PRPSAP2: variants seen among roughly 807,000 people sequenced by gnomAD.
PRPSAP2 encodes the protein phosphoribosyl pyrophosphate synthase-associated protein 2.
PRPSAP2 carries 24 observed loss-of-function variants against 40.6 expected under a neutral mutation model. The observed-to-expected ratio is 0.59, with a 90% CI of 0.43 to 0.83. PRPSAP2 has a LOEUF of 0.83. Among genes scored for constraint, PRPSAP2 ranks in the 40% least tolerant of loss-of-function variants. PRPSAP2 has a pLI of 0.00. For missense variants in PRPSAP2, 292 were observed against 465.6 expected (o/e 0.63, Z 3.43); for synonymous variants, 149 against 164.7 (o/e 0.90, Z 0.73).
intron 10 of PRPSAP2, among the ~76,000 whole-genome samples, chr17:18,927,812 G>T (rs1016652200): frequency 1.3e-5 from 2 of 151,974 alleles, no homozygotes; most frequent in African/African-American, 4.8e-5. Flanking sequence ...TATGGTCTGG[G>T]TCTGCTGCCC....
intron 10 of PRPSAP2, 176 bp from the exon 11 acceptor site, chr17:18,928,634 TG>T: frequency 1.4e-6 from 1 of 712,222 alleles, no homozygotes; most frequent in Non-Finnish European, 2.4e-6. Context: ...GTGAAAGTAC[TG>T]GAGGGCTGCC....
intron 5 of PRPSAP2, among the ~76,000 whole-genome samples, chr17:18,873,735 CTG>C (rs1489672388): frequency 1.3e-5 from 2 of 152,052 alleles, no homozygotes; most frequent in African/African-American, 2.4e-5. Flanking sequence ...GGATAAAAAA[CTG>C]TACTGAAGGA....
At chr17:18,897,991 CTTTTTTTTTTTTTT>C (rs71155370) in intron 8 of PRPSAP2, among the ~76,000 whole-genome samples, 72,381 of 117,730 alleles carry the variant, frequency 0.61, 19,358 homozygotes, top group Middle Eastern at 0.71. Context: ...AGAATTTTTG[CTTTTTTTTTTTTTT>C]TTTTTTTTTT....
intron 8 of PRPSAP2, among the ~76,000 whole-genome samples, chr17:18,895,105 A>C (rs1191198236): frequency 6.9e-6 from 1 of 143,990 alleles, no homozygotes; most frequent in African/African-American, 2.6e-5. Flanking sequence ...TTTTTTAAAG[A>C]GAAAGTCTTG....
intron 6 of PRPSAP2, among the ~76,000 whole-genome samples, chr17:18,882,276 CTGAGGCAGGAGGATTACT>C (rs1182412136): frequency 6.6e-6 from 1 of 151,888 alleles, no homozygotes; most frequent in East Asian, 1.9e-4. Context: ...CTTTGGGAGG[CTGAGGCAGGAGGATTACT>C]TGAGGTCAGG....
chr17:18,895,000 G>A (rs1453861653), intron 8 of PRPSAP2, among the ~76,000 whole-genome samples: 1 of 151,790 alleles, frequency 6.6e-6, no homozygotes, highest in Admixed American at 6.6e-5. Context: ...TCCTATCCAT[G>A]AACATGGGAT....
intron 1 of PRPSAP2, among the ~76,000 whole-genome samples, chr17:18,862,235 G>T (rs112166440): frequency 6.6e-6 from 1 of 152,208 alleles, no homozygotes; most frequent in Non-Finnish European, 1.5e-5. Flanking sequence ...CTCAGCGGAT[G>T]TGGGCATCAG....
intron 8 of PRPSAP2, among the ~76,000 whole-genome samples, chr17:18,892,741 A>ATTTT (rs1252254393): frequency 3.7e-4 from 26 of 69,668 alleles, no homozygotes; most frequent in African/African-American, 6.0e-4. Context: ...TTATTTATTT[A>ATTTT]TTTATTTTTT....
intron 8 of PRPSAP2, among the ~76,000 whole-genome samples, chr17:18,894,318 C>T (rs2039774860): frequency 6.6e-6 from 1 of 151,974 alleles, no homozygotes; most frequent in African/African-American, 2.4e-5. Flanking sequence ...CGCCACCACG[C>T]CTATCTAATT....
intron 8 of PRPSAP2, among the ~76,000 whole-genome samples, chr17:18,895,570 TTTTC>T (rs1259523997): frequency 6.6e-6 from 1 of 151,718 alleles, no homozygotes; most frequent in East Asian, 1.9e-4. Flanking sequence ...TGGGCCATGT[TTTTC>T]TTTTTTTTAA....
At chr17:18,926,771 AGT>A (rs2041999755) in intron 10 of PRPSAP2, among the ~76,000 whole-genome samples, 1 of 128,004 alleles carries the variant, frequency 7.8e-6, no homozygotes, top group Non-Finnish European at 1.7e-5. Flanking sequence ...GCATGTAGTG[AGT>A]GTGAGTGTGT....
At chr17:18,863,516 CT>C (rs2037195287) in intron 1 of PRPSAP2, among the ~76,000 whole-genome samples, 1 of 135,242 alleles carries the variant, frequency 7.4e-6, no homozygotes, top group Non-Finnish European at 1.6e-5. Flanking sequence ...TCTTCCCTTT[CT>C]TTCTTCTTCT....
chr17:18,864,131 G>A (rs552137804), intron 1 of PRPSAP2, among the ~76,000 whole-genome samples: 173 of 152,108 alleles, frequency 1.1e-3, no homozygotes, highest in African/African-American at 3.9e-3. Flanking sequence ...TAGGATTACA[G>A]GCGTGAGCCA....
At chr17:18,909,989 A>C (rs2040858414) in intron 8 of PRPSAP2, among the ~76,000 whole-genome samples, 1 of 152,196 alleles carries the variant, frequency 6.6e-6, no homozygotes, top group Non-Finnish European at 1.5e-5. Flanking sequence ...AACTAGAAAC[A>C]ACCGGAAAGC....
chr17:18,872,942 T>C (rs1431580728), intron 5 of PRPSAP2, among the ~76,000 whole-genome samples: 1 of 151,724 alleles, frequency 6.6e-6, no homozygotes, highest in East Asian at 1.9e-4. Flanking sequence ...TCCCAGGTTC[T>C]AGTGATTCTC....
intron 8 of PRPSAP2, among the ~76,000 whole-genome samples, chr17:18,902,364 T>C (rs1469952612): frequency 1.3e-5 from 2 of 152,184 alleles, no homozygotes; most frequent in African/African-American, 4.8e-5. Context: ...ATGTGTAGCG[T>C]CAGATGTTTT....
chr17:18,875,179 C>T (rs1338643431), intron 5 of PRPSAP2, among the ~76,000 whole-genome samples: 1 of 152,166 alleles, frequency 6.6e-6, no homozygotes, highest in Non-Finnish European at 1.5e-5. Flanking sequence ...CCATACCTGA[C>T]ATAAGCTTGT....
intron 8 of PRPSAP2, among the ~76,000 whole-genome samples, chr17:18,899,482 T>C (rs906989636): frequency 6.6e-6 from 1 of 150,668 alleles, no homozygotes; most frequent in Admixed American, 6.7e-5. Context: ...TTATTTTCAC[T>C]GTAACTTCCA....
At chr17:18,924,766 C>T (rs1737949) in intron 10 of PRPSAP2, among the ~76,000 whole-genome samples, 1 of 126,652 alleles carries the variant, frequency 7.9e-6, no homozygotes, top group Admixed American at 8.3e-5. Context: ...GAGGCTGTGT[C>T]TCAAAAAAAA....
Sources: allele counts gnomAD v4.1 joint callset (sites outside exome capture counted in the v4.1 genomes callset), GRCh38; gene constraint gnomAD v4.1.1; transcripts MANE v1.5; gene names NCBI Gene and HGNC (gene_info 2026-07-23, HGNC 2026-07-21).